KCNG2: variants seen among roughly 807,000 people sequenced by gnomAD.
The protein encoded by KCNG2 is voltage-gated potassium channel regulatory subunit KCNG2.
Under a neutral mutation model 12.3 loss-of-function variants are expected in KCNG2, and 7 were observed. The observed-to-expected ratio is 0.57, with a 90% CI of 0.32 to 1.07. The LOEUF is 1.07. KCNG2 is among the 50% of genes least tolerant of loss of function. The pLI, the probability that KCNG2 is intolerant of heterozygous loss-of-function variation, is 0.04. For synonymous variants in KCNG2, 414 were observed against 351.4 expected (o/e 1.18, Z -1.99); for missense variants, 703 against 726.0 (o/e 0.97, Z 0.36).
intron 1 of KCNG2, among the ~76,000 whole-genome samples, chr18:79,830,773 G>C (rs1389593140): frequency 2.0e-5 from 3 of 147,070 alleles, no homozygotes; most frequent in African/African-American, 7.6e-5. Context: ...CCTTCGTCAG[G>C]AGGGTTCCCT....
rs775108094 is a variant in KCNG2 at position 79,864,165 on chromosome 18, G to A, written c.498G>A (p.Val166=). The A allele has an allele frequency of 6.0e-6, 9 of 1,495,708 alleles. No individual in the cohort carries two copies. The highest frequency in any genetic ancestry group is 8.9e-7 in the Non-Finnish European group (1 of 1,126,712). 92.7% of individuals were successfully genotyped at this position (1,495,708 alleles called of 1,614,324 possible). A position where few individuals can be genotyped will look rare whatever the true frequency, so the allele number is the denominator to read the frequency against. The change falls in exon 3 of 4, where the codon GTG becomes GTA. Residue 166 remains valine (V), a synonymous_variant. Transcript: ENST00000316249. ...GCGGCCGGCGGCGCCTGCGCGACGTGGTGGACAACCCGCACTCGGGGCTGG... is the reference window on the plus strand; with the variant it reads ...GCGGCCGGCGGCGCCTGCGCGACGTAGTGGACAACCCGCACTCGGGGCTGG... ...LQRGRRRLRD[V]VDNPHSGLAG... is the part of the protein sequence containing the mutation.
chr18:79,804,298 C>A (rs73970106), intron 1 of KCNG2, among the ~76,000 whole-genome samples: 20,870 of 152,248 alleles, frequency 0.14, 1,928 homozygotes, highest in South Asian at 0.35. Context: ...CTGCTGGACT[C>A]TGCCCGTCAG....
At chr18:79,898,198 G>C (rs1305312185) in intron 3 of KCNG2, among the ~76,000 whole-genome samples, 1 of 152,198 alleles carries the variant, frequency 6.6e-6, no homozygotes, top group Non-Finnish European at 1.5e-5. Context: ...TTTGAGAAGA[G>C]ATTACTTCCT....
At chr18:79,835,302 G>C (rs1000351798) in intron 1 of KCNG2, among the ~76,000 whole-genome samples, 3 of 152,226 alleles carry the variant, frequency 2.0e-5, no homozygotes, top group African/African-American at 7.2e-5. Context: ...CCAAGAGCCA[G>C]AAAGATTTCG....
chr18:79,830,193 T>A (rs1178894119), intron 1 of KCNG2, among the ~76,000 whole-genome samples: 1 of 152,172 alleles, frequency 6.6e-6, no homozygotes, highest in East Asian at 1.9e-4. Flanking sequence ...AGAAGACGAA[T>A]CGTGTCCATC....
intron 1 of KCNG2, among the ~76,000 whole-genome samples, chr18:79,840,409 C>T (rs1199621358): frequency 6.6e-6 from 1 of 152,092 alleles, no homozygotes; most frequent in East Asian, 1.9e-4. Context: ...TCTAGCAATA[C>T]ACATATAGAA....
At chr18:79,826,542 G>C (rs1978286205) in intron 1 of KCNG2, among the ~76,000 whole-genome samples, 1 of 137,376 alleles carries the variant, frequency 7.3e-6, no homozygotes, top group Non-Finnish European at 1.5e-5. Flanking sequence ...TTCAGTGAAA[G>C]AACTGAGTGA....
chr18:79,891,339 T>G (rs1183304777), intron 3 of KCNG2, among the ~76,000 whole-genome samples: 1 of 152,116 alleles, frequency 6.6e-6, no homozygotes, highest in Non-Finnish European at 1.5e-5. Flanking sequence ...CAAGGGATCC[T>G]CCCATCTCAG....
chr18:79,826,181 G>GA (rs773640292), intron 1 of KCNG2, among the ~76,000 whole-genome samples: 87 of 151,690 alleles, frequency 5.7e-4, no homozygotes, highest in Non-Finnish European at 9.4e-4. Flanking sequence ...TAGTCGAGCT[G>GA]AAACTGTGAT....
At chr18:79,861,631 T>G (rs1391071733) in intron 2 of KCNG2, among the ~76,000 whole-genome samples, 1 of 152,218 alleles carries the variant, frequency 6.6e-6, no homozygotes, top group Non-Finnish European at 1.5e-5. Flanking sequence ...TGAATTTATC[T>G]TACTTGGAGT....
At position 79,839,925 on chromosome 18, in the gene KCNG2, CTT is replaced by C. The variant is rs549261453; in HGVS notation, c.-114-16451_-114-16450del. On this transcript the variant is annotated intron_variant, in intron 1 of 3. Transcript: ENST00000316249. Reference sequence around the variant, plus strand: ...GCAAAAAACTTTTTAAATAACACCTCTTTTGATAAAAATTCTCAGAATATAGG... The same window carrying C: ...GCAAAAAACTTTTTAAATAACACCTCTTGATAAAAATTCTCAGAATATAGG... Among the ~76,000 whole-genome samples the C allele has an allele frequency of 1.7e-3, 266 of 152,248 alleles. 1 individual carries two copies. The highest frequency in any genetic ancestry group is 5.8e-3 in the African/African-American group (243 of 41,542).
At chr18:79,893,329 A>G (rs1980816389) in intron 3 of KCNG2, among the ~76,000 whole-genome samples, 1 of 150,418 alleles carries the variant, frequency 6.6e-6, no homozygotes. Flanking sequence ...TGGGTTGTTC[A>G]CTCCATTCAC....
chr18:79,868,338 T>A (rs899833677), intron 3 of KCNG2, among the ~76,000 whole-genome samples: 1 of 151,564 alleles, frequency 6.6e-6, no homozygotes, highest in African/African-American at 2.4e-5. Context: ...TGGTGACCCG[T>A]GTCCGAGCGT....
intron 3 of KCNG2, among the ~76,000 whole-genome samples, chr18:79,878,620 C>T (rs1007177989): frequency 2.0e-5 from 3 of 152,242 alleles, no homozygotes; most frequent in Non-Finnish European, 4.4e-5. Context: ...TCCTTTCATA[C>T]AGAACATTTA....
rs2087575849 is a variant in KCNG2 at position 79,822,215 on chromosome 18, A to G, written c.-115+24201A>G. Among the ~76,000 whole-genome samples, 1 of 152,110 alleles carries G rather than the reference A, an allele frequency of 6.6e-6. No individual in the cohort carries two copies. Among genetic ancestry groups the G allele is most frequent in the African/African-American group, 2.4e-5 (1 of 41,404 alleles). On this transcript the variant is annotated intron_variant, in intron 1 of 3. Coordinates refer to ENST00000316249, the MANE Select transcript of KCNG2 (RefSeq NM_012283.2). The surrounding 1 kb of genome is among the most constrained non-coding windows in gnomAD (Gnocchi z 4.4). ...AAGTTGCAGATTCATAGAGGTTCCC[A>G]TGTCTCCCACCCAGCTTCCTCCAGT...
intron 1 of KCNG2, among the ~76,000 whole-genome samples, chr18:79,838,238 T>C (rs1464480396): frequency 6.6e-6 from 1 of 152,020 alleles, no homozygotes; most frequent in Non-Finnish European, 1.5e-5. Flanking sequence ...CCAAACCATA[T>C]CAAAAGTATA....
At chr18:79,810,803 A>C (rs534162022) in intron 1 of KCNG2, among the ~76,000 whole-genome samples, 70 of 152,324 alleles carry the variant, frequency 4.6e-4, no homozygotes, top group Middle Eastern at 3.4e-3. Context: ...AAAAAACTAG[A>C]AGTAAATATA....
At chr18:79,821,031 T>A (rs1181480524) in intron 1 of KCNG2, among the ~76,000 whole-genome samples, 1 of 152,226 alleles carries the variant, frequency 6.6e-6, no homozygotes, top group Non-Finnish European at 1.5e-5. Flanking sequence ...ATTAAGCCCT[T>A]ATCAGATATG....
chr18:79,863,623 T>TGCAGGAGCCGG lies in KCNG2; in HGVS notation c.-35_-25dup. 5 of 1,203,216 alleles carry TGCAGGAGCCGG rather than the reference T, an allele frequency of 4.2e-6. No homozygotes were observed. Among genetic ancestry groups the TGCAGGAGCCGG allele is most frequent in the South Asian group, 8.0e-5 (2 of 24,964 alleles). 74.5% of individuals were successfully genotyped at this position (1,203,216 alleles called of 1,614,324 possible). On this transcript the variant is annotated splice_region_variant and splice_polypyrimidine_tract_variant and intron_variant, in intron 2 of 3. Coordinates refer to ENST00000316249, the MANE Select transcript of KCNG2 (RefSeq NM_012283.2). ...CGACCCTAACGCGGTCCGTTCCTTT[T>TGCAGGAGCCGG]GCAGGAGCCGGGCAGGAGCCCCTCG...
Sources: allele counts gnomAD v4.1 joint callset (sites outside exome capture counted in the v4.1 genomes callset), GRCh38; gene constraint gnomAD v4.1.1; non-coding constraint Gnocchi (gnomAD v3.1); transcripts MANE v1.5; gene names NCBI Gene and HGNC (gene_info 2026-07-23, HGNC 2026-07-21).